RAD21: variants seen among roughly 807,000 people sequenced by gnomAD.
The protein encoded by RAD21 is RAD21 cohesin complex component, also known as double-strand-break repair protein rad21 homolog.
RAD21 carries 18 observed loss-of-function variants against 71.5 expected under a neutral mutation model. The observed-to-expected ratio is 0.25, with a 90% confidence interval of 0.17 to 0.37. The LOEUF (loss-of-function observed/expected upper bound fraction) is 0.37, where lower values mean the gene tolerates loss of function less well. Ranked by LOEUF, RAD21 falls within the 10% of genes least tolerant of loss-of-function variation. RAD21 has a pLI of 1.00. For missense variants in RAD21, 493 were observed against 769.1 expected, an observed-to-expected ratio of 0.64 and a Z score of 4.25; for synonymous variants, 248 against 254.0, an observed-to-expected ratio of 0.98 and a Z score of 0.22.
At chr8:116,852,211 A>C in intron 10 of RAD21, 115 bp from the exon 11 acceptor site, 1 of 1,005,686 alleles carries the variant, frequency 9.9e-7, no homozygotes, top group African/African-American at 1.9e-5. Flanking sequence ...TCTTTAATGA[A>C]GAAGGCCAGA....
intron 9 of RAD21, among the ~76,000 whole-genome samples, chr8:116,853,827 AAAAC>A (rs200833458): frequency 0.03 from 4,493 of 152,158 alleles, 146 homozygotes; most frequent in African/African-American, 0.08. Flanking sequence ...TATAAATGGA[AAAAC>A]AAACAAACAA....
intron 2 of RAD21, 132 bp downstream of exon 2, chr8:116,866,454 T>C: frequency 2.7e-6 from 2 of 742,414 alleles, no homozygotes; most frequent in Non-Finnish European, 4.1e-6. Flanking sequence ...GGACTTCACA[T>C]AATAAAGAAA....
chr8:116,862,970 C>T, intron 3 of RAD21, 160 bp downstream of exon 3: 1 of 874,834 alleles, frequency 1.1e-6, no homozygotes, highest in Non-Finnish European at 1.6e-6. Flanking sequence ...CCTTGAAGCA[C>T]TGCCTCCCCA....
At position 116,861,805 on chromosome 8, in the gene RAD21, C is replaced by T. The variant is rs1216608008; in HGVS notation, c.374+36G>A. The T allele has an allele frequency of 3.3e-6, 5 of 1,518,074 alleles. No individual in the cohort carries two copies. The South Asian group carries it at 4.5e-5, about 14-fold the overall frequency. 94.0% of individuals were successfully genotyped at this position (1,518,074 alleles called of 1,614,324 possible). Reference sequence around the variant, plus strand: ...AGCTAATACTACTGCTTATTGCAGACCAAGTCAACAATTTTTTTTAAAAGA... The same window carrying T: ...AGCTAATACTACTGCTTATTGCAGATCAAGTCAACAATTTTTTTTAAAAGA... On this transcript the variant is annotated intron_variant, in intron 4 of 13. Transcript: ENST00000297338.
At chr8:116,863,357 T>A in intron 2 of RAD21, 98 bp from the exon 3 acceptor site, 1 of 1,317,580 alleles carries the variant, frequency 7.6e-7, no homozygotes, top group Non-Finnish European at 1.0e-6. Flanking sequence ...TATAATCACA[T>A]ACATTTCTCT....
chr8:116,866,667 G>T lies in RAD21; in HGVS notation c.63C>A (p.Ala21=). 1 of 1,613,220 alleles carries T rather than the reference G, an allele frequency of 6.2e-7. No individual in the cohort carries two copies. Among genetic ancestry groups the T allele is most frequent in the Non-Finnish European group, 8.5e-7 (1 of 1,179,644 alleles). ...RGPLAKIWLA[A]HWDKKLTKAH... ...CTTTGGTTAGCTTCTTATCCCAATG[G>T]GCCGCTAGCCAAATTTTGGCCAGAG... Residue 21 remains alanine (A), a synonymous_variant, in exon 2 of 14, where the codon GCC becomes GCA. Transcript: ENST00000297338.
intron 4 of RAD21, among the ~76,000 whole-genome samples, chr8:116,861,064 A>C (rs546288463): frequency 6.1e-4 from 93 of 152,238 alleles, no homozygotes; most frequent in African/African-American, 2.2e-3. Flanking sequence ...TTTCAAATAA[A>C]ATGTCAAAAA....
chr8:116,850,618 C>T lies in RAD21; in HGVS notation c.1620G>A (p.Glu540=), dbSNP rs746050594. 112 of 1,606,964 alleles carry T rather than the reference C, an allele frequency of 7.0e-5. No individual in the cohort carries two copies. The highest frequency in any genetic ancestry group is 8.8e-5 in the Non-Finnish European group (103 of 1,175,550). Residue 540 remains glutamate (E), a splice_region_variant and synonymous_variant, in exon 12 of 14, where the codon GAG becomes GAA. Coordinates refer to ENST00000297338, the MANE Select transcript of RAD21 (RefSeq NM_006265.3). ...EKEKEDDEEE[E]DEDASGGDQD... ...GAATGAAAATTATTAATTAGTTTAC[C>T]TCTTCCTCTTCATCATCTTCTTTTT...
chr8:116,863,535 C>T (rs1446833672), intron 2 of RAD21, among the ~76,000 whole-genome samples: 2 of 152,118 alleles, frequency 1.3e-5, no homozygotes, highest in African/African-American at 2.4e-5. Flanking sequence ...GGTTGCCAAT[C>T]CAGGGCCATT....
intron 4 of RAD21, 68 bp downstream of exon 4, chr8:116,861,773 A>C: frequency 8.8e-7 from 1 of 1,130,966 alleles, no homozygotes; most frequent in Non-Finnish European, 1.3e-6. Flanking sequence ...AAAACTATAC[A>C]TTTGGAAGCT....
At chr8:116,852,373 TGGAA>T in intron 10 of RAD21, 172 bp downstream of exon 10, 3 of 747,804 alleles carry the variant, frequency 4.0e-6, no homozygotes, top group Non-Finnish European at 6.2e-6. Context: ...CTTAAAACTC[TGGAA>T]AGACAGGAGG....
chr8:116,857,243 G>A (rs1235484363), intron 6 of RAD21, 24 bp downstream of exon 6: 3 of 1,579,396 alleles, frequency 1.9e-6, no homozygotes, highest in Non-Finnish European at 2.6e-6. Context: ...TGTTTATGCT[G>A]GAATAACCAT....
At chr8:116,869,660 A>C (rs1232148574) in intron 1 of RAD21, among the ~76,000 whole-genome samples, 1 of 152,104 alleles carries the variant, frequency 6.6e-6, no homozygotes, top group African/African-American at 2.4e-5. Flanking sequence ...AGAACATGAG[A>C]TGTTCAATTA....
intron 2 of RAD21, among the ~76,000 whole-genome samples, chr8:116,865,133 A>G (rs971830910): frequency 4.6e-5 from 7 of 152,294 alleles, no homozygotes; most frequent in Admixed American, 2.6e-4. Context: ...AAATGGTTTA[A>G]AAAATTTGAA....
At chr8:116,854,571 A>AAG in intron 8 of RAD21, 103 bp from the exon 9 acceptor site, 1 of 828,080 alleles carries the variant, frequency 1.2e-6, no homozygotes, top group Non-Finnish European at 1.9e-6. Flanking sequence ...TTCTACACAC[A>AAG]GACTCTAGCA....
At chr8:116,856,033 A>G (rs1341043777) in intron 8 of RAD21, 133 bp downstream of exon 8, 3 of 1,028,006 alleles carry the variant, frequency 2.9e-6, no homozygotes, top group Non-Finnish European at 4.1e-6. Flanking sequence ...AGATCAGTAG[A>G]CAGGCCAAAA....
Position 116,850,664 on chromosome 8 carries a change from T to C in RAD21, c.1574A>G (p.Lys525Arg), listed in dbSNP as rs759118814. 20 of 1,611,892 alleles carry C rather than the reference T, an allele frequency of 1.2e-5. No homozygotes were observed. Among genetic ancestry groups the C allele is most frequent in the African/African-American group, 5.3e-5 (4 of 74,870 alleles). ...LIPELELLPE[K>R]EKEKEKEKED... is the part of the protein sequence containing the mutation. ...TTTTTCCTTCTCTTTCTCCTTCTCT[T>C]TTTCTGGCAGAAGTTCTAACTCTGG... The change falls in exon 12 of 14, where the codon AAA (lysine) becomes AGA (arginine). Residue 525 changes from lysine to arginine, a missense_variant. By Grantham distance (26) the Lys-to-Arg change is conservative. Around this residue, in one of 5 missense-constraint regions of RAD21, gnomAD observed 225 missense variants for 218.3 expected, o/e 1.03. Coordinates refer to ENST00000297338, the MANE Select transcript of RAD21 (RefSeq NM_006265.3).
chr8:116,859,750 G>C (rs1396513203), intron 4 of RAD21, among the ~76,000 whole-genome samples: 1 of 151,846 alleles, frequency 6.6e-6, no homozygotes, highest in Non-Finnish European at 1.5e-5. Flanking sequence ...CCCTACAATG[G>C]CTACTATTTG....
intron 1 of RAD21, among the ~76,000 whole-genome samples, chr8:116,869,157 G>A (rs570671236): frequency 9.9e-5 from 15 of 152,132 alleles, no homozygotes; most frequent in Admixed American, 3.9e-4. Flanking sequence ...CTCTACGAAA[G>A]AAATGCAAAG....
Sources: gnomAD v4.1 joint callset for allele counts (sites outside exome capture counted in the v4.1 genomes callset) on GRCh38, gnomAD v4.1.1 for gene constraint, gnomAD v4.1.1 regional missense constraint, MANE v1.5 for transcripts, NCBI Gene and HGNC (gene_info 2026-07-23, HGNC 2026-07-21) for gene names.